Variants in EFCAB6 observed in about 807,000 individuals in gnomAD.
EFCAB6 encodes EF-hand calcium binding domain 6.
In EFCAB6, 156 loss-of-function variants were observed where a neutral mutation model predicts 169.8. That is an observed-to-expected ratio of 0.92 (90% CI 0.81 to 1.05). The LOEUF (loss-of-function observed/expected upper bound fraction) is 1.05. Among genes scored for constraint, EFCAB6 ranks in the 50% least tolerant of loss-of-function variants. EFCAB6 has a pLI of 0.00. For missense variants in EFCAB6, 1,800 were observed against 1,829.1 expected (o/e 0.98, Z 0.29); for synonymous variants, 698 against 676.4 (o/e 1.03, Z -0.50).
intron 17 of EFCAB6, among the ~76,000 whole-genome samples, chr22:43,662,159 A>AAATAATAATAAT (rs55680208): frequency 2.2e-5 from 3 of 137,184 alleles, no homozygotes; most frequent in Admixed American, 7.4e-5. Context: ...CTCCATTTCA[A>AAATAATAATAAT]AATAATAATA....
At chr22:43,612,390 T>C (rs2053376307) in intron 21 of EFCAB6, among the ~76,000 whole-genome samples, 1 of 152,156 alleles carries the variant, frequency 6.6e-6, no homozygotes, top group Non-Finnish European at 1.5e-5. Flanking sequence ...TTGCAAACTA[T>C]GCATCTAACA....
rs117851945 is a variant in EFCAB6 at position 43,794,227 on chromosome 22, C to T, written c.-7-11902G>A. Among the ~76,000 whole-genome samples, 57 of 152,296 alleles carry T rather than the reference C, an allele frequency of 3.7e-4. 1 individual carries two copies. In the East Asian group the frequency reaches 8.3e-3, roughly 22 times the overall value. On this transcript the variant is annotated intron_variant, in intron 2 of 31. Transcript: ENST00000262726. ...TATCAAAATGAAGTTAAAAGCCAGC[C>T]GCAAACATTACGTTTAGGTCCTTCA... is the stretch of plus-strand genomic sequence containing the variant.
At chr22:43,772,649 A>C (rs1423335468) in intron 4 of EFCAB6, among the ~76,000 whole-genome samples, 2 of 152,022 alleles carry the variant, frequency 1.3e-5, no homozygotes, top group Non-Finnish European at 1.5e-5. Flanking sequence ...CTCAAAAAAA[A>C]AAAAAAAAAG....
intron 17 of EFCAB6, among the ~76,000 whole-genome samples, chr22:43,639,252 T>C (rs2055638878): frequency 6.6e-6 from 1 of 152,246 alleles, no homozygotes; most frequent in Non-Finnish European, 1.5e-5. Flanking sequence ...GACAGCCAAG[T>C]CTTCCTAGTA....
At chr22:43,656,518 A>G (rs905022156) in intron 17 of EFCAB6, among the ~76,000 whole-genome samples, 1 of 152,236 alleles carries the variant, frequency 6.6e-6, no homozygotes, top group Non-Finnish European at 1.5e-5. Context: ...TTTGGTCAGC[A>G]GTGGACCATA....
intron 11 of EFCAB6, 27 bp downstream of exon 11, chr22:43,687,443 AT>A (rs138944736): frequency 1.0e-6 from 1 of 982,100 alleles, no homozygotes. Context: ...TGTAACTAAA[AT>A]TTGTTTTTTT....
At chr22:43,638,139 G>A (rs947474558) in intron 17 of EFCAB6, among the ~76,000 whole-genome samples, 1 of 152,138 alleles carries the variant, frequency 6.6e-6, no homozygotes, top group African/African-American at 2.4e-5. Context: ...CTCAGGGCAG[G>A]CCACAGATGC....
intron 17 of EFCAB6, among the ~76,000 whole-genome samples, chr22:43,665,944 C>A (rs548945838): frequency 6.6e-6 from 1 of 152,184 alleles, no homozygotes; most frequent in Non-Finnish European, 1.5e-5. Flanking sequence ...TGCGTGACCA[C>A]ACCTGGCTAA....
intron 6 of EFCAB6, among the ~76,000 whole-genome samples, chr22:43,751,069 C>T (rs1025893952): frequency 3.3e-5 from 5 of 152,216 alleles, no homozygotes; most frequent in Non-Finnish European, 5.9e-5. Context: ...CTTCTGAGAG[C>T]TCCCTGACTT....
intron 3 of EFCAB6, among the ~76,000 whole-genome samples, chr22:43,780,946 A>G (rs1007215223): frequency 6.6e-6 from 1 of 152,208 alleles, no homozygotes; most frequent in Non-Finnish European, 1.5e-5. Flanking sequence ...GGCTGTGTTC[A>G]TGCAGTGCTT....
intron 25 of EFCAB6, among the ~76,000 whole-genome samples, chr22:43,579,338 C>T (rs1410750947): frequency 2.7e-5 from 4 of 150,876 alleles, no homozygotes; most frequent in Non-Finnish European, 4.4e-5. Context: ...AGGTATCATT[C>T]CCTACACGCA....
chr22:43,642,089 G>A (rs2055843137), intron 17 of EFCAB6, among the ~76,000 whole-genome samples: 1 of 152,044 alleles, frequency 6.6e-6, no homozygotes, highest in South Asian at 2.1e-4. Flanking sequence ...TTACAGGCAT[G>A]CGACACCACA....
chr22:43,558,577 C>T (rs144448603), intron 26 of EFCAB6, among the ~76,000 whole-genome samples: 9 of 152,274 alleles, frequency 5.9e-5, no homozygotes, highest in South Asian at 4.1e-4. Context: ...ATGAAAGAGA[C>T]AGTCAATTGA....
intron 5 of EFCAB6, among the ~76,000 whole-genome samples, chr22:43,760,139 G>C (rs1419645316): frequency 1.3e-5 from 2 of 149,984 alleles, no homozygotes; most frequent in Non-Finnish European, 2.9e-5. Context: ...AGGAGGCAGA[G>C]GTTGCAGTGA....
chr22:43,653,925 A>T (rs1297407897), intron 17 of EFCAB6, among the ~76,000 whole-genome samples: 3 of 152,182 alleles, frequency 2.0e-5, no homozygotes, highest in Non-Finnish European at 4.4e-5. Context: ...AAGTAGGAAT[A>T]AAGAAATAAT....
chr22:43,609,543 T>C (rs2053162456), intron 21 of EFCAB6, among the ~76,000 whole-genome samples: 1 of 152,130 alleles, frequency 6.6e-6, no homozygotes, highest in South Asian at 2.1e-4. Context: ...TTTTAAAAGA[T>C]AACATTTACA....
At chr22:43,535,121 G>T in intron 29 of EFCAB6, 1 of 472,350 alleles carries the variant, frequency 2.1e-6, no homozygotes. Flanking sequence ...ACAGCTTATG[G>T]ACAGAGACTA....
chr22:43,757,287 C>G (rs899813149), intron 5 of EFCAB6, among the ~76,000 whole-genome samples: 9 of 152,218 alleles, frequency 5.9e-5, no homozygotes, highest in Admixed American at 5.2e-4. Context: ...GTGGCTCACG[C>G]CTGTAATCCC....
intron 20 of EFCAB6, 110 bp downstream of exon 20, chr22:43,626,337 A>G: frequency 9.1e-7 from 1 of 1,104,430 alleles, no homozygotes; most frequent in Middle Eastern, 2.2e-4. Context: ...AAAAGAAAAA[A>G]ATAATCACTC....
Sources: allele counts gnomAD v4.1 joint callset (sites outside exome capture counted in the v4.1 genomes callset), GRCh38; gene constraint gnomAD v4.1.1; transcripts MANE v1.5; gene names NCBI Gene and HGNC (gene_info 2026-07-23, HGNC 2026-07-21).